Variants in MRTO4 observed in about 807,000 individuals in gnomAD.
The protein encoded by MRTO4 is MRT4 homolog, ribosome maturation factor.
In MRTO4, 7 loss-of-function variants were observed where a neutral mutation model predicts 28.6. The ratio of observed to expected loss-of-function variants is 0.24; its 90% confidence interval spans 0.14 to 0.46. The LOEUF (loss-of-function observed/expected upper bound fraction) is 0.46. Ranked by LOEUF, MRTO4 falls within the 20% of genes least tolerant of loss-of-function variation. MRTO4 has a pLI of 0.99. For synonymous variants in MRTO4, 113 were observed against 108.2 expected (o/e 1.04, Z -0.27); for missense variants, 302 against 298.3 (o/e 1.01, Z -0.09).
Position 19,260,000 on chromosome 1 carries a change from G to A in MRTO4, c.*1170G>A, listed in dbSNP as rs1352239539. On this transcript the variant is annotated 3_prime_UTR_variant, in exon 8 of 8. Transcript: ENST00000330263. ...GCTGGTCTCAAACTCCTGAGCTCAA[G>A]CGATCTACCCACCTTGGCCTCCCAA... 2 of 152,292 alleles carry A rather than the reference G, an allele frequency of 1.3e-5. No homozygotes were observed. The highest frequency in any genetic ancestry group is 1.5e-5 in the Non-Finnish European group (1 of 68,098). 9.4% of individuals were successfully genotyped at this position (152,292 alleles called of 1,614,324 possible). A position where few individuals can be genotyped will look rare whatever the true frequency, so the allele number is the denominator to read the frequency against.
intron 1 of MRTO4, among the ~76,000 whole-genome samples, chr1:19,254,387 AC>A (rs1480393198): frequency 6.6e-6 from 1 of 150,380 alleles, no homozygotes; most frequent in Non-Finnish European, 1.5e-5. Context: ...ACAGAGTGAG[AC>A]CCCATGTCAA....
In MRTO4 at chr1:19,251,941, G is replaced by T. The variant is rs1454770477; in HGVS notation, c.28+78G>T. ...CAGCCTGCGGTGAGGGCTTCGGGGC[G>T]GCGGGGGCGCAGATTGGAACGCCAG... On this transcript the variant is annotated intron_variant, in intron 1 of 7. Coordinates refer to ENST00000330263, the MANE Select transcript of MRTO4 (RefSeq NM_016183.4). The T allele has an allele frequency of 1.4e-5, 22 of 1,527,858 alleles. No individual in the cohort carries two copies. In the South Asian group the frequency reaches 2.3e-4, roughly 16 times the overall value. The allele number at this position is 1,527,858 out of a possible 1,614,324, so 94.6% of individuals were successfully genotyped here.
chr1:19,258,971 T>G lies in MRTO4; in HGVS notation c.*141T>G. 8 of 1,121,938 alleles carry G rather than the reference T, an allele frequency of 7.1e-6. No individual in the cohort carries two copies. The highest frequency in any genetic ancestry group is 9.8e-6 in the Non-Finnish European group (8 of 815,454). The allele number at this position is 1,121,938 out of a possible 1,614,324, so 69.5% of individuals were successfully genotyped here. ...ATGGGCACTGACCTCCTGTAAAGAA[T>G]AAAACTGTGGGCCGGGCGCGGTGGC... On this transcript the variant is annotated 3_prime_UTR_variant, in exon 8 of 8. Coordinates refer to ENST00000330263, the MANE Select transcript of MRTO4 (RefSeq NM_016183.4).
At chr1:19,253,296 G>A (rs988380453) in intron 1 of MRTO4, among the ~76,000 whole-genome samples, 1 of 152,224 alleles carries the variant, frequency 6.6e-6, no homozygotes, top group African/African-American at 2.4e-5. Context: ...GCTGTTCCAA[G>A]TAGAGGGAAC....
chr1:19,257,499 C>A lies in MRTO4; in HGVS notation c.319C>A (p.Arg107Ser), dbSNP rs781169715. 4.3e-6 allele frequency: 7 copies of A among 1,614,206 alleles called. No homozygotes were observed. In the Admixed American group the frequency reaches 1.2e-4, roughly 27 times the overall value. Residue 107 changes from arginine to serine, a missense_variant, in exon 5 of 8, where the codon CGC (arginine) becomes AGC (serine). Physicochemically the swap from Arg to Ser is moderately radical, Grantham distance 110. Coordinates refer to ENST00000330263, the MANE Select transcript of MRTO4 (RefSeq NM_016183.4). ...TGAGGTGGGTCTCCTGTTCACCAACCGCACAAAGGAGGAGGTGAATGAGTA... is the reference window on the plus strand; with the variant it reads ...TGAGGTGGGTCTCCTGTTCACCAACAGCACAAAGGAGGAGGTGAATGAGTA... The part of the protein sequence containing the change: ...RGEVGLLFTN[R>S]TKEEVNEWFT...
At chr1:19,254,358 T>C (rs1569594762) in intron 1 of MRTO4, among the ~76,000 whole-genome samples, 1 of 151,856 alleles carries the variant, frequency 6.6e-6, no homozygotes, top group Non-Finnish European at 1.5e-5. Flanking sequence ...GATCGTGCCA[T>C]TGCAGTCCAG....
At chr1:19,256,638 C>T (rs947922167) in intron 3 of MRTO4, among the ~76,000 whole-genome samples, 1 of 152,192 alleles carries the variant, frequency 6.6e-6, no homozygotes, top group South Asian at 2.1e-4. Flanking sequence ...CATTTAGGAG[C>T]ATCACACCAG....
rs2093660851 is a variant in MRTO4, at chr1:19,251,805, A to G, written c.-31A>G. The G allele has an allele frequency of 1.9e-6, 3 of 1,561,946 alleles. No homozygotes were observed. Among genetic ancestry groups the G allele is most frequent in the African/African-American group, 2.7e-5 (2 of 73,580 alleles). On this transcript the variant is annotated 5_prime_UTR_variant, in exon 1 of 8. Coordinates refer to ENST00000330263, the MANE Select transcript of MRTO4 (RefSeq NM_016183.4). Reference sequence around the variant, plus strand: ...CGCCGCCGGGGTCCTAACGGGGTGCACCGTCTTCCGCCGCACGTGGATTCA... The same window carrying G: ...CGCCGCCGGGGTCCTAACGGGGTGCGCCGTCTTCCGCCGCACGTGGATTCA...
At chr1:19,253,191 A>G (rs776088977) in intron 1 of MRTO4, among the ~76,000 whole-genome samples, 11 of 152,226 alleles carry the variant, frequency 7.2e-5, no homozygotes, top group Admixed American at 2.6e-4. Context: ...GTGGTCGGGA[A>G]AGGTCTCACT....
intron 2 of MRTO4, 104 bp downstream of exon 2, chr1:19,254,944 T>G: frequency 3.2e-6 from 3 of 950,166 alleles, no homozygotes; most frequent in Non-Finnish European, 4.5e-6. Context: ...AACATACTAG[T>G]GGGGAAAAAA....
rs112771552 is a variant in MRTO4 at position 19,259,264 on chromosome 1, C to CA, written c.*447dup. 1.9e-3 allele frequency: 263 copies of CA among 134,938 alleles called. No homozygotes were observed. Among genetic ancestry groups the CA allele is most frequent in the African/African-American group, 2.8e-3 (101 of 35,850 alleles). 8.4% of individuals were successfully genotyped at this position (134,938 alleles called of 1,614,324 possible). A position where few individuals can be genotyped will look rare whatever the true frequency, so the allele number is the denominator to read the frequency against. ...TGGGCAACAGAGTAAAACTCTGTCC[C>CA]AAAAAAAAAAAAAGAATACAACCTT... On this transcript the variant is annotated 3_prime_UTR_variant, in exon 8 of 8. Transcript: ENST00000330263.
chr1:19,251,872 A>G lies in MRTO4; in HGVS notation c.28+9A>G. On this transcript the variant is annotated intron_variant, in intron 1 of 7. Transcript: ENST00000330263. Reference sequence around the variant, plus strand: ...CAAGCGCGACAAGAAAGGTGGGCGAAGGGGGAGTCGGGACCCTGGGGGGAG... The same window carrying G: ...CAAGCGCGACAAGAAAGGTGGGCGAGGGGGGAGTCGGGACCCTGGGGGGAG... 6.3e-7 allele frequency: 1 copy of G among 1,591,798 alleles called. No homozygotes were observed. Among genetic ancestry groups the G allele is most frequent in the Middle Eastern group, 1.7e-4 (1 of 6,040 alleles).
At position 19,257,915 on chromosome 1, in the gene MRTO4, C is replaced by T; in HGVS notation, c.424C>T (p.Leu142=). The change falls in exon 6 of 8, where the codon CTG becomes TTG. Residue 142 remains leucine (L), a synonymous_variant. Transcript: ENST00000330263. ...CACTGTGAGCCTGGATCCAGGGCCC[C>T]TGGAGCAGTTCCCCCACTCCATGGA... is the stretch of plus-strand genomic sequence containing the variant. ...AFTVSLDPGP[L]EQFPHSMEPQ... is the part of the protein sequence containing the mutation. The T allele has an allele frequency of 6.2e-7, 1 of 1,614,146 alleles. No homozygotes were observed. The highest frequency in any genetic ancestry group is 2.2e-5 in the East Asian group (1 of 44,866).
At chr1:19,254,414 C>CAGGGGCCT (rs748235137) in intron 1 of MRTO4, among the ~76,000 whole-genome samples, 2 of 151,788 alleles carry the variant, frequency 1.3e-5, no homozygotes, top group Admixed American at 6.6e-5. Context: ...AAACAAAAAA[C>CAGGGGCCT]AGGGGCCTGC....
chr1:19,251,895 G>T, intron 1 of MRTO4, 32 bp downstream of exon 1: 1 of 1,583,052 alleles, frequency 6.3e-7, no homozygotes. Context: ...ACCCTGGGGG[G>T]AGCTCCGTGG....
chr1:19,253,001 G>A (rs1401411167), intron 1 of MRTO4, among the ~76,000 whole-genome samples: 1 of 152,126 alleles, frequency 6.6e-6, no homozygotes, highest in Non-Finnish European at 1.5e-5. Flanking sequence ...CTCTTAACCC[G>A]GCTCCCTGGA....
intron 5 of MRTO4, 135 bp from the exon 6 acceptor site, chr1:19,257,698 G>C: frequency 7.3e-7 from 1 of 1,377,814 alleles, no homozygotes; most frequent in South Asian, 1.3e-5. Context: ...ATGGTGCTCT[G>C]GGCTGGCTGC....
At position 19,258,990 on chromosome 1, in the gene MRTO4, CG is replaced by C; in HGVS notation, c.*162del. 1 of 894,398 alleles carries C rather than the reference CG, an allele frequency of 1.1e-6. No homozygotes were observed. The highest frequency in any genetic ancestry group is 1.6e-6 in the Non-Finnish European group (1 of 614,508). The allele number at this position is 894,398 out of a possible 1,614,324, so 55.4% of individuals were successfully genotyped here. A position where few individuals can be genotyped will look rare whatever the true frequency, so the allele number is the denominator to read the frequency against. On this transcript the variant is annotated 3_prime_UTR_variant, in exon 8 of 8. Coordinates refer to ENST00000330263, the MANE Select transcript of MRTO4 (RefSeq NM_016183.4). ...AAAGAATAAAACTGTGGGCCGGGCG[CG>C]GTGGCTCACGCCTGGAATCCCAGCA...
chr1:19,258,176 G>A (rs1350303278), intron 6 of MRTO4, among the ~76,000 whole-genome samples, 192 bp downstream of exon 6: 1 of 152,066 alleles, frequency 6.6e-6, no homozygotes, highest in African/African-American at 2.4e-5. Context: ...TGCAGCCCTT[G>A]AGGCCCATCA....
Sources: allele counts gnomAD v4.1 joint callset (sites outside exome capture counted in the v4.1 genomes callset), GRCh38; gene constraint gnomAD v4.1.1; transcripts MANE v1.5; gene names NCBI Gene and HGNC (gene_info 2026-07-23, HGNC 2026-07-21).